The following MST1R variants were observed in gnomAD, a reference collection of about 807,000 sequenced individuals.
MST1R encodes macrophage-stimulating protein receptor.
A neutral mutation model predicts 117.8 loss-of-function variants in MST1R; 99 were observed. The observed-to-expected ratio is 0.84, with a 90% CI of 0.71 to 0.99. The LOEUF (loss-of-function observed/expected upper bound fraction) is 0.99. Among genes scored for constraint, MST1R ranks in the 50% least tolerant of loss-of-function variants. The pLI is 0.00. For synonymous variants in MST1R, 734 were observed against 765.3 expected (o/e 0.96, Z 0.68); for missense variants, 1,683 against 1,840.2 (o/e 0.91, Z 1.56).
rs1286281119 is a variant in MST1R at position 49,903,189 on chromosome 3, C to T, written c.421G>A (p.Gly141Ser). The change falls in exon 1 of 20, where the codon GGC becomes AGC. Residue 141 changes from glycine (G) to serine (S), a missense_variant. Gly to Ser is a moderately conservative substitution (Grantham distance 56, BLOSUM62 0). Transcript: ENST00000296474. ...TCTAGGTCATGCAGGAAGCAGCGGC[C>T]CTGCAGGCTGGAGCCACAACTGACC... Reference protein sequence around the residue: ...ALVSCGSSLQGRCFLHDLEPQ... With the variant: ...ALVSCGSSLQSRCFLHDLEPQ... 1 of 1,605,600 alleles carries T rather than the reference C, an allele frequency of 6.2e-7. No individual in the cohort carries two copies. The highest frequency in any genetic ancestry group is 8.5e-7 in the Non-Finnish European group (1 of 1,179,980).
At chr3:49,901,774 TG>T (rs2082684742) in intron 1 of MST1R, among the ~76,000 whole-genome samples, 1 of 29,382 alleles carries the variant, frequency 3.4e-5, no homozygotes, top group African/African-American at 1.3e-4. Flanking sequence ...TGGGGGTGGG[TG>T]GGGGGAGGGG....
rs2082423622 is a variant in MST1R, at chr3:49,895,151, C to T, written c.3271+16G>A. The stretch of plus-strand genomic sequence containing the variant: ...TGAGACTCCATCTCTGCCCCAGCCC[C>T]ACCTGGCCCCCACACCTTTGCCAAT... On this transcript the variant is annotated intron_variant, in intron 14 of 19. Coordinates refer to ENST00000296474, the MANE Select transcript of MST1R (RefSeq NM_002447.4). 5.6e-6 allele frequency: 9 copies of T among 1,613,366 alleles called. 1 individual carries two copies. In the Admixed American group the frequency reaches 1.5e-4, roughly 27 times the overall value.
At chr3:49,896,952 C>G in intron 7 of MST1R, 62 bp from the exon 8 acceptor site, 1 of 1,439,506 alleles carries the variant, frequency 6.9e-7, no homozygotes, top group East Asian at 2.5e-5. Flanking sequence ...CCCACTTCTT[C>G]CAGGGGCCTG....
chr3:49,897,000 G>T, intron 7 of MST1R, 110 bp from the exon 8 acceptor site: 1 of 1,301,568 alleles, frequency 7.7e-7, no homozygotes. Flanking sequence ...TCTCCCACCT[G>T]CCCCACTCCA....
Position 49,891,798 on chromosome 3 carries a change from C to G in MST1R, c.3312G>C (p.Gln1104His). ...TGGCACATTGGATTCGATTCTGGGC[C>G]TGGTCTATGTATTCTCCGTGGTAGA... The part of the protein sequence containing the change: ...GVVYHGEYID[Q>H]AQNRIQCAIK... The change falls in exon 15 of 20, where the codon CAG (glutamine) becomes CAC (histidine). Residue 1104 changes from glutamine to histidine, a missense_variant. Gln to His is a conservative substitution (Grantham distance 24). Transcript: ENST00000296474. The G allele has an allele frequency of 6.2e-7, 1 of 1,614,094 alleles. No homozygotes were observed. The highest frequency in any genetic ancestry group is 8.5e-7 in the Non-Finnish European group (1 of 1,180,012).
chr3:49,902,501 G>T lies in MST1R; in HGVS notation c.1109C>A (p.Pro370His), dbSNP rs2082714242. The change falls in exon 1 of 20, where the codon CCC becomes CAC. Residue 370 changes from proline to histidine, a missense_variant. Transcript: ENST00000296474. ...VGPNSVVCAF[P>H]IDLLDTLIDE... ...AATTAGTGTGTCCAGCAGGTCAATG[G>T]GGAAGGCACAGACGACAGAGTTGGG... 1 of 1,614,146 alleles carries T rather than the reference G, an allele frequency of 6.2e-7. No homozygotes were observed. The highest frequency in any genetic ancestry group is 8.5e-7 in the Non-Finnish European group (1 of 1,180,038).
At chr3:49,899,438 T>A in intron 1 of MST1R, 175 bp from the exon 2 acceptor site, 1 of 662,806 alleles carries the variant, frequency 1.5e-6, no homozygotes, top group South Asian at 1.9e-5. Flanking sequence ...GCTCTCAGTG[T>A]AGCAAGGGCA....
rs368432394 is a variant in MST1R, at chr3:49,902,739, C to G, written c.871G>C (p.Gly291Arg). Residue 291 changes from glycine (G) to arginine (R), a missense_variant, in exon 1 of 20, where the codon GGT becomes CGT. Transcript: ENST00000296474. The stretch of plus-strand genomic sequence containing the variant: ...TCGAGGACCAGCTCCCGATAGTCAC[C>G]CAACTCTGGCTCAGTGGCGCTAAGC... ...ARLSATEPEL[G>R]DYRELVLDCR... 6.2e-7 allele frequency: 1 copy of G among 1,613,858 alleles called. No individual in the cohort carries two copies. The highest frequency in any genetic ancestry group is 8.5e-7 in the Non-Finnish European group (1 of 1,180,044).
At chr3:49,899,641 T>C (rs1322936120) in intron 1 of MST1R, 1 of 204,592 alleles carries the variant, frequency 4.9e-6, no homozygotes, top group Non-Finnish European at 9.4e-6. Flanking sequence ...AATGGTGTGA[T>C]CTCAGCTCAC....
rs1286566873 is a variant in MST1R at position 49,903,570 on chromosome 3, G to A, written c.40C>T (p.Leu14=). The part of the protein sequence containing the change: ...LPPLPQSFLL[L]LLLPAKPAAG... ...GCGGGCTTGGCAGGCAACAGCAGCA[G>A]CAACAGGAAGGACTGAGGCAGCGGC... Residue 14 remains leucine (L), a synonymous_variant, in exon 1 of 20, where the codon CTG becomes TTG. Coordinates refer to ENST00000296474, the MANE Select transcript of MST1R (RefSeq NM_002447.4). 1 of 1,587,002 alleles carries A rather than the reference G, an allele frequency of 6.3e-7. No individual in the cohort carries two copies. The highest frequency in any genetic ancestry group is 8.5e-7 in the Non-Finnish European group (1 of 1,172,134).
chr3:49,902,568 CA>C lies in MST1R; in HGVS notation c.1041del (p.Phe347LeufsTer5). The C allele has an allele frequency of 6.2e-7, 1 of 1,613,960 alleles. No homozygotes were observed. The highest frequency in any genetic ancestry group is 8.5e-7 in the Non-Finnish European group (1 of 1,180,048). ...CCATCCTTGCCAGTCACAAAGACCC[CA>C]AATAGTACTTCCTGGCCCTCGGCGA... is the stretch of plus-strand genomic sequence containing the variant. ...LSIAEGQEVLFGVFVTGKDGG... is the reference protein window; with the variant it reads ...LSIAEGQEVLXGVFVTGKDGG... On this transcript the variant is annotated frameshift_variant, in exon 1 of 20. Transcript: ENST00000296474. LOFTEE classifies it high-confidence loss of function.
At chr3:49,902,238 T>G in intron 1 of MST1R, 142 bp downstream of exon 1, 1 of 1,243,410 alleles carries the variant, frequency 8.0e-7, no homozygotes, top group Non-Finnish European at 1.1e-6. Flanking sequence ...ACCCCAGCAC[T>G]TAGGAACTGG....
chr3:49,887,646 G>A, intron 19 of MST1R, 84 bp from the exon 20 acceptor site: 1 of 1,483,044 alleles, frequency 6.7e-7, no homozygotes, highest in Non-Finnish European at 9.2e-7. Flanking sequence ...CCTCTGGCAG[G>A]CCACACAGGG....
chr3:49,898,385 G>A (rs2082553925), intron 4 of MST1R, 133 bp downstream of exon 4: 1 of 1,362,606 alleles, frequency 7.3e-7, no homozygotes, highest in South Asian at 1.4e-5. Flanking sequence ...CATCCCCTCT[G>A]ACAAGAATGC....
chr3:49,897,473 C>T (rs1004526839), intron 6 of MST1R, 47 bp downstream of exon 6: 13 of 1,609,964 alleles, frequency 8.1e-6, no homozygotes, highest in South Asian at 5.5e-5. Flanking sequence ...CCTCCCTTCC[C>T]GTACCATGCA....
intron 1 of MST1R, among the ~76,000 whole-genome samples, chr3:49,899,998 C>T (rs2082619367): frequency 6.6e-6 from 1 of 152,176 alleles, no homozygotes; most frequent in South Asian, 2.1e-4. Flanking sequence ...TCTCCTGCCC[C>T]CTGCTGGCTC....
intron 14 of MST1R, 137 bp from the exon 15 acceptor site, chr3:49,891,975 A>AT (rs1037067550): frequency 2.1e-4 from 132 of 630,424 alleles, no homozygotes; most frequent in Non-Finnish European, 3.0e-4. Context: ...ATTTTTATTT[A>AT]TTTTTTTTGA....
chr3:49,893,393 T>C (rs1014582814), intron 14 of MST1R, among the ~76,000 whole-genome samples: 7 of 149,466 alleles, frequency 4.7e-5, no homozygotes, highest in South Asian at 2.1e-4. Flanking sequence ...CACCTGAGGT[T>C]AGGAGTTTGA....
Position 49,891,872 on chromosome 3 carries a change from G to A in MST1R, c.3272-34C>T, listed in dbSNP as rs192436883. ...AGGTGCATAATGAGTCGATGAGAGG[G>A]GATCCAGGGCCCAAGGCTCACACCA... On this transcript the variant is annotated intron_variant, in intron 14 of 19. Transcript: ENST00000296474. 7.6e-5 allele frequency: 121 copies of A among 1,597,432 alleles called. 1 individual carries two copies. In the East Asian group the frequency reaches 1.7e-3, roughly 22 times the overall value.
Sources: allele counts gnomAD v4.1 joint callset (sites outside exome capture counted in the v4.1 genomes callset), GRCh38; gene constraint gnomAD v4.1.1; transcripts MANE v1.5; gene names NCBI Gene and HGNC (gene_info 2026-07-23, HGNC 2026-07-21).